Variants in EML6 observed in about 807,000 individuals in gnomAD.
EML6 encodes the protein EMAP like 6, also known as echinoderm microtubule-associated protein-like 6.
EML6 carries 154 observed loss-of-function variants against 240.1 expected under a neutral mutation model. The observed-to-expected ratio is 0.64, with a 90% CI of 0.56 to 0.73. The LOEUF (loss-of-function observed/expected upper bound fraction) is 0.73. EML6 is among the 30% of genes least tolerant of loss of function. The pLI is 0.00. For missense variants in EML6, 2,964 were observed against 2,474.6 expected (o/e 1.20, Z -4.20); for synonymous variants, 1,148 against 899.0 (o/e 1.28, Z -4.95).
chr2:54,964,163 C>G lies in EML6; in HGVS notation c.5330+5C>G, dbSNP rs1042138047. The G allele has an allele frequency of 1.2e-5, 18 of 1,550,982 alleles. No homozygotes were observed. In the Admixed American group the frequency reaches 3.1e-4, roughly 27 times the overall value. ...ATCTGCTATCCAAGATATCAGGTAC[C>G]TAAGTGGGTGGTCTGGGCATGGAGG... On this transcript the variant is annotated splice_donor_5th_base_variant and intron_variant, in intron 37 of 41. Transcript: ENST00000356458.
At chr2:54,756,108 G>C (rs1336448804) in intron 2 of EML6, among the ~76,000 whole-genome samples, 1 of 152,078 alleles carries the variant, frequency 6.6e-6, no homozygotes, top group Non-Finnish European at 1.5e-5. Flanking sequence ...CATTCAGTGA[G>C]AATGCCGTGA....
At chr2:54,931,358 T>C (rs1573168801) in intron 28 of EML6, among the ~76,000 whole-genome samples, 2 of 151,890 alleles carry the variant, frequency 1.3e-5, no homozygotes, top group South Asian at 4.2e-4. Flanking sequence ...ATTGGGAGGG[T>C]GGCACAAGAT....
chr2:54,816,927 G>GT (rs1558574658), intron 4 of EML6, 42 bp downstream of exon 4: 3 of 1,277,996 alleles, frequency 2.3e-6, no homozygotes, highest in South Asian at 2.5e-5. Context: ...TTCAGAACTT[G>GT]GGGGGACTTG....
intron 2 of EML6, among the ~76,000 whole-genome samples, chr2:54,794,901 C>T (rs1412000214): frequency 6.6e-6 from 1 of 152,140 alleles, no homozygotes; most frequent in Non-Finnish European, 1.5e-5. Context: ...TGTATGATGG[C>T]AACTGAAGAC....
chr2:54,946,624 T>C (rs1675707185), intron 28 of EML6, among the ~76,000 whole-genome samples: 1 of 152,244 alleles, frequency 6.6e-6, no homozygotes, highest in Non-Finnish European at 1.5e-5. Flanking sequence ...AAGCTTTTAA[T>C]ACTTGTATTG....
intron 2 of EML6, among the ~76,000 whole-genome samples, chr2:54,782,666 ATTTT>A (rs11389809): frequency 6.9e-6 from 1 of 143,972 alleles, no homozygotes; most frequent in Non-Finnish European, 1.5e-5. Context: ...ACCTACTTGT[ATTTT>A]TTTTTTTTTT....
intron 2 of EML6, among the ~76,000 whole-genome samples, chr2:54,760,574 G>A (rs1667931878): frequency 6.6e-6 from 1 of 152,058 alleles, no homozygotes; most frequent in Non-Finnish European, 1.5e-5. Flanking sequence ...GAGGCAGCAG[G>A]CTTGCAGAGT....
At chr2:54,883,073 T>A (rs934806745) in intron 17 of EML6, among the ~76,000 whole-genome samples, 1 of 151,908 alleles carries the variant, frequency 6.6e-6, no homozygotes, top group African/African-American at 2.4e-5. Flanking sequence ...ACACTTATTC[T>A]TTCCTCTGTT....
intron 34 of EML6, 134 bp from the exon 35 acceptor site, chr2:54,960,086 A>G (rs2104526415): frequency 1.5e-6 from 1 of 666,132 alleles, no homozygotes; most frequent in Non-Finnish European, 2.6e-6. Flanking sequence ...GAGGGTCTGG[A>G]CCCTGGAGGG....
intron 12 of EML6, among the ~76,000 whole-genome samples, chr2:54,860,967 A>T (rs1360524370): frequency 6.6e-6 from 1 of 152,186 alleles, no homozygotes; most frequent in Non-Finnish European, 1.5e-5. Flanking sequence ...ATGTGGTCTT[A>T]AATGGGTTTA....
intron 21 of EML6, among the ~76,000 whole-genome samples, 176 bp downstream of exon 21, chr2:54,895,576 C>T (rs1324217332): frequency 2.0e-5 from 3 of 152,224 alleles, no homozygotes; most frequent in Non-Finnish European, 2.9e-5. Context: ...CAGCTTAAAA[C>T]AACACACATT....
In EML6 at chr2:54,728,693, T is replaced by C. The variant is rs1378579429; in HGVS notation, c.197+3435T>C. On this transcript the variant is annotated intron_variant, in intron 2 of 41. Transcript: ENST00000356458. ...AGTGTGGGGCCTGGCCCTTAGTTGG[T>C]GCTCAATAAATATTCTTAGTTGTGG... 1.3e-5 allele frequency among the ~76,000 whole-genome samples: 2 copies of C among 152,114 alleles called. 1 individual carries two copies. The highest frequency in any genetic ancestry group is 2.9e-5 in the Non-Finnish European group (2 of 67,998).
intron 24 of EML6, among the ~76,000 whole-genome samples, chr2:54,906,481 C>T (rs1031466698): frequency 6.6e-6 from 1 of 152,176 alleles, no homozygotes; most frequent in Non-Finnish European, 1.5e-5. Flanking sequence ...TTTCCATAAT[C>T]TTGCCCAAGG....
At chr2:54,935,730 G>T (rs1306174450) in intron 28 of EML6, among the ~76,000 whole-genome samples, 1 of 152,112 alleles carries the variant, frequency 6.6e-6, no homozygotes, top group Non-Finnish European at 1.5e-5. Context: ...AATGTTTAAG[G>T]CCAGGCGTAG....
chr2:54,781,755 ACCT>A (rs1668866550), intron 2 of EML6, among the ~76,000 whole-genome samples: 1 of 152,056 alleles, frequency 6.6e-6, no homozygotes, highest in Non-Finnish European at 1.5e-5. Flanking sequence ...TGCAGGCTTG[ACCT>A]CTCTGGGCTC....
chr2:54,731,391 G>C (rs1479821681), intron 2 of EML6, among the ~76,000 whole-genome samples: 1 of 152,132 alleles, frequency 6.6e-6, no homozygotes, highest in Non-Finnish European at 1.5e-5. Context: ...TGTCATCCCA[G>C]CACTTTGGGA....
intron 12 of EML6, among the ~76,000 whole-genome samples, chr2:54,861,352 A>G (rs1284489130): frequency 2.0e-5 from 3 of 152,200 alleles, no homozygotes; most frequent in Non-Finnish European, 4.4e-5. Flanking sequence ...TAAACCACAG[A>G]AAATGAAGAG....
chr2:54,957,700 C>A, intron 32 of EML6, 90 bp from the exon 33 acceptor site: 1 of 1,158,188 alleles, frequency 8.6e-7, no homozygotes, highest in Non-Finnish European at 1.3e-6. Flanking sequence ...TGGCTTACGC[C>A]TGCTGGGGTG....
intron 7 of EML6, among the ~76,000 whole-genome samples, chr2:54,843,677 C>T (rs2103677550): frequency 6.6e-6 from 1 of 151,790 alleles, no homozygotes. Context: ...ACCCCGTCTC[C>T]ACTAAAAATA....
Sources: gnomAD v4.1 joint callset for allele counts (sites outside exome capture counted in the v4.1 genomes callset) on GRCh38, gnomAD v4.1.1 for gene constraint, MANE v1.5 for transcripts, NCBI Gene and HGNC (gene_info 2026-07-23, HGNC 2026-07-21) for gene names.